OTUD7A: variants seen among roughly 807,000 people sequenced by gnomAD.
OTUD7A encodes the protein OTU deubiquitinase 7A.
A neutral mutation model predicts 65.7 loss-of-function variants in OTUD7A; 12 were observed. The observed-to-expected ratio is 0.18, with a 90% confidence interval of 0.12 to 0.30. The LOEUF (loss-of-function observed/expected upper bound fraction) is 0.30, where lower values mean the gene tolerates loss of function less well. OTUD7A is among the 10% of genes least tolerant of loss of function. The pLI is 1.00. For synonymous variants in OTUD7A, 641 were observed against 586.3 expected, an observed-to-expected ratio of 1.09 and a Z score of -1.35; for missense variants, 1,148 against 1,304.8, an observed-to-expected ratio of 0.88 and a Z score of 1.85.
intron 1 of OTUD7A, chr15:31,767,353 G>A: frequency 2.6e-6 from 2 of 778,260 alleles, no homozygotes; most frequent in Admixed American, 3.5e-5. Context: ...GTAAGTAGAG[G>A]TTCAGGGAGA....
chr15:31,807,841 CACAGACTGTTG>C (rs1896310935), intron 1 of OTUD7A, among the ~76,000 whole-genome samples: 1 of 152,092 alleles, frequency 6.6e-6, no homozygotes, highest in Non-Finnish European at 1.5e-5. Flanking sequence ...ACTGAAGCCT[CACAGACTGTTG>C]ACCTGAACCT....
chr15:31,606,517 T>C (rs1038848634), intron 3 of OTUD7A, among the ~76,000 whole-genome samples: 1 of 152,140 alleles, frequency 6.6e-6, no homozygotes, highest in Admixed American at 6.5e-5. Context: ...ATGTAAACAA[T>C]AGCAGATCAT....
intron 1 of OTUD7A, among the ~76,000 whole-genome samples, chr15:31,697,955 TC>T (rs1305797586): frequency 6.6e-6 from 1 of 152,118 alleles, no homozygotes; most frequent in Admixed American, 6.6e-5. Flanking sequence ...AAAAAGTCAT[TC>T]CCTGATAATC....
chr15:31,827,939 A>C (rs966430786), intron 1 of OTUD7A, among the ~76,000 whole-genome samples: 55 of 152,226 alleles, frequency 3.6e-4, no homozygotes, highest in Non-Finnish European at 7.9e-4. Context: ...CATCTCAAAA[A>C]AAAAACCACA....
rs925319603 is a variant in OTUD7A, at chr15:31,719,090, T to C, written c.-99-62013A>G. Among the ~76,000 whole-genome samples, 86 of 152,132 alleles carry C rather than the reference T, an allele frequency of 5.7e-4. 1 individual carries two copies. Among genetic ancestry groups the C allele is most frequent in the Non-Finnish European group, 1.3e-4 (9 of 68,034 alleles). The stretch of plus-strand genomic sequence containing the variant: ...TCATGAAAGTTCTGGCATTATGTTT[T>C]ATTTTTATTTTAGAGACAGAGTCTT... On this transcript the variant is annotated intron_variant, in intron 1 of 12. Coordinates refer to ENST00000307050, the MANE Select transcript of OTUD7A (RefSeq NM_001382637.1).
At chr15:31,683,998 C>T (rs1408267838) in intron 1 of OTUD7A, among the ~76,000 whole-genome samples, 1 of 152,172 alleles carries the variant, frequency 6.6e-6, no homozygotes, top group Non-Finnish European at 1.5e-5. Flanking sequence ...TAAGCATTGG[C>T]TCAAGACCAA....
intron 8 of OTUD7A, among the ~76,000 whole-genome samples, chr15:31,514,868 C>G (rs928980999): frequency 2.0e-5 from 3 of 152,214 alleles, no homozygotes; most frequent in African/African-American, 7.2e-5. Flanking sequence ...AATACATATT[C>G]ACACATACAC....
At position 31,477,699 on chromosome 15, in the gene OTUD7A, AAT is replaced by A. The variant is rs2041044186; in HGVS notation, c.*5593_*5594del. The A allele has an allele frequency of 6.6e-6, 1 of 152,230 alleles. No homozygotes were observed. The highest frequency in any genetic ancestry group is 2.4e-5 in the African/African-American group (1 of 41,452). The allele number at this position is 152,230 out of a possible 1,614,324, so 9.4% of individuals were successfully genotyped here. On this transcript the variant is annotated 3_prime_UTR_variant, in exon 13 of 13. Coordinates refer to ENST00000307050, the MANE Select transcript of OTUD7A (RefSeq NM_001382637.1). ...TTCAATAAATACTTATCCAGTGCCTAATATGTGTCAGGCACTGTTGTAGGCAC... is the reference window on the plus strand; with the variant it reads ...TTCAATAAATACTTATCCAGTGCCTAATGTGTCAGGCACTGTTGTAGGCAC...
At chr15:31,843,272 A>AT (rs377602315) in intron 1 of OTUD7A, among the ~76,000 whole-genome samples, 1,480 of 132,048 alleles carry the variant, frequency 0.011, 22 homozygotes, top group African/African-American at 0.036. Context: ...GTGACAAGAC[A>AT]TTTTTTTTTT....
At chr15:31,497,635 C>T (rs1422489344) in intron 10 of OTUD7A, among the ~76,000 whole-genome samples, 8 of 152,294 alleles carry the variant, frequency 5.3e-5, no homozygotes, top group Admixed American at 3.3e-4. Context: ...CTACCCTCTT[C>T]GACCCTGAAG....
chr15:31,694,948 T>C (rs910537084), intron 1 of OTUD7A, among the ~76,000 whole-genome samples: 4 of 151,864 alleles, frequency 2.6e-5, no homozygotes, highest in Non-Finnish European at 5.9e-5. Flanking sequence ...TGGGTTCACG[T>C]CATTCTCCTG....
intron 1 of OTUD7A, among the ~76,000 whole-genome samples, chr15:31,851,412 T>C (rs192597079): frequency 1.2e-3 from 183 of 152,320 alleles, no homozygotes; most frequent in African/African-American, 4.2e-3. Context: ...TGGCTAGTAA[T>C]GTCATAGAAT....
intron 1 of OTUD7A, among the ~76,000 whole-genome samples, chr15:31,740,424 C>T (rs1324030878): frequency 6.8e-6 from 1 of 147,170 alleles, no homozygotes; most frequent in Non-Finnish European, 1.5e-5. Flanking sequence ...GCTCAGTGAG[C>T]AGATGGTGGG....
At chr15:31,711,070 GA>G (rs201058018) in intron 1 of OTUD7A, among the ~76,000 whole-genome samples, 1 of 132,674 alleles carries the variant, frequency 7.5e-6, no homozygotes, top group Non-Finnish European at 1.7e-5. Flanking sequence ...GCCTGACTAG[GA>G]AAAAAAAAAC....
chr15:31,553,214 C>T (rs1056186474), intron 5 of OTUD7A, among the ~76,000 whole-genome samples: 6 of 152,168 alleles, frequency 3.9e-5, no homozygotes, highest in Non-Finnish European at 7.4e-5. Context: ...ACCGCTGGTT[C>T]GCCCTGATTC....
intron 3 of OTUD7A, among the ~76,000 whole-genome samples, chr15:31,610,215 G>A (rs1211409349): frequency 6.6e-6 from 1 of 152,056 alleles, no homozygotes; most frequent in Non-Finnish European, 1.5e-5. Flanking sequence ...TGGAGGAGGG[G>A]TATTATATAA....
intron 3 of OTUD7A, among the ~76,000 whole-genome samples, chr15:31,598,642 C>T (rs1185140977): frequency 1.3e-5 from 2 of 152,088 alleles, no homozygotes; most frequent in African/African-American, 4.8e-5. Context: ...GTGCCTGGAA[C>T]ACCAGAGAGA....
chr15:31,698,231 C>T, intron 1 of OTUD7A, among the ~76,000 whole-genome samples: 1 of 152,364 alleles, frequency 6.6e-6, no homozygotes, highest in South Asian at 2.1e-4. Flanking sequence ...AGCTAAGCAG[C>T]TGAAACACAT....
chr15:31,499,191 A>G (rs2041428159), intron 10 of OTUD7A, among the ~76,000 whole-genome samples: 1 of 152,172 alleles, frequency 6.6e-6, no homozygotes, highest in Non-Finnish European at 1.5e-5. Flanking sequence ...TACATTTTTT[A>G]TCTCATTTCC....
Sources: gnomAD v4.1 joint callset for allele counts (sites outside exome capture counted in the v4.1 genomes callset) on GRCh38, gnomAD v4.1.1 for gene constraint, MANE v1.5 for transcripts, NCBI Gene and HGNC (gene_info 2026-07-23, HGNC 2026-07-21) for gene names.